PPP2R2C: variants seen among roughly 807,000 people sequenced by gnomAD.
PPP2R2C encodes the protein protein phosphatase 2 regulatory subunit Bgamma.
A neutral mutation model predicts 45.3 loss-of-function variants in PPP2R2C; 10 were observed. The observed-to-expected ratio is 0.22, with a 90% CI of 0.14 to 0.37. The LOEUF is 0.37. PPP2R2C is among the 10% of genes least tolerant of loss of function. The pLI is 1.00. For synonymous variants in PPP2R2C, 257 were observed against 245.4 expected (o/e 1.05, Z -0.44); for missense variants, 308 against 619.7 (o/e 0.50, Z 5.34).
At chr4:6,500,244 T>A (rs1472137499) in intron 2 of PPP2R2C, among the ~76,000 whole-genome samples, 1 of 151,892 alleles carries the variant, frequency 6.6e-6, no homozygotes, top group African/African-American at 2.4e-5. Context: ...ACCTCCCGAG[T>A]TCAAGCGATT....
chr4:6,490,224 G>T lies in PPP2R2C; in HGVS notation c.49+45047C>A, dbSNP rs541970287. Among the ~76,000 whole-genome samples, 11 of 152,290 alleles carry T rather than the reference G, an allele frequency of 7.2e-5. No individual in the cohort carries two copies. In the East Asian group the frequency reaches 1.9e-3, roughly 27 times the overall value. ...CAAGACTCCAAGCCTTTTGTGGGCA[G>T]GTTCCTGGGAGCGCTCATCTGGGAC... On this transcript the variant is annotated intron_variant, in intron 2 of 9. Transcript: ENST00000506140.
At chr4:6,550,440 C>T (rs1478941837) in intron 1 of PPP2R2C, among the ~76,000 whole-genome samples, 1 of 152,228 alleles carries the variant, frequency 6.6e-6, no homozygotes, top group South Asian at 2.1e-4. Context: ...CTTCACCCTT[C>T]ACTAACAAGC....
At chr4:6,336,668 CT>C in intron 6 of PPP2R2C, among the ~76,000 whole-genome samples, 2 of 3,248 alleles carry the variant, frequency 6.2e-4, no homozygotes, top group Non-Finnish European at 1.3e-3. Flanking sequence ...TCCCTCCCTG[CT>C]TCCATCCCTC....
In PPP2R2C at chr4:6,331,779, G is replaced by A. The variant is rs1560447092; in HGVS notation, c.960+1783C>T. 6.6e-6 allele frequency among the ~76,000 whole-genome samples: 1 copy of A among 152,102 alleles called. No homozygotes were observed. Among genetic ancestry groups the A allele is most frequent in the Non-Finnish European group, 1.5e-5 (1 of 68,016 alleles). On this transcript the variant is annotated intron_variant, in intron 7 of 8. Coordinates refer to ENST00000382599, the MANE Select transcript of PPP2R2C (RefSeq NM_020416.4). This position sits in a 1 kb window ranked among gnomAD's most constrained non-coding sequence, Gnocchi z 5.9. ...CAGAAGGAACCACTGTGGCGCTGCC[G>A]GGGTCATGGAGCCCCCCCACCTTCC...
At chr4:6,535,260 G>C in intron 2 of PPP2R2C, 1 of 1,535,300 alleles carries the variant, frequency 6.5e-7, no homozygotes, top group Non-Finnish European at 8.7e-7. Context: ...CTGTGAGAAC[G>C]GGCTTCTTAC....
At chr4:6,389,543 A>C (rs536428280) in intron 1 of PPP2R2C, among the ~76,000 whole-genome samples, 31 of 152,302 alleles carry the variant, frequency 2.0e-4, no homozygotes, top group African/African-American at 7.5e-4. Flanking sequence ...TCCTGCAGCC[A>C]TTAGCACCTG....
intron 5 of PPP2R2C, among the ~76,000 whole-genome samples, chr4:6,372,002 G>C (rs1191052121): frequency 3.3e-5 from 5 of 152,164 alleles, no homozygotes; most frequent in Non-Finnish European, 7.3e-5. Flanking sequence ...GCTTCCCCTA[G>C]CTTGCCCTGA....
intron 6 of PPP2R2C, among the ~76,000 whole-genome samples, chr4:6,344,479 G>T (rs999634191): frequency 6.6e-6 from 1 of 152,096 alleles, no homozygotes; most frequent in Non-Finnish European, 1.5e-5. Context: ...CACAGGCTTC[G>T]GGAGCCAAAG....
intron 1 of PPP2R2C, among the ~76,000 whole-genome samples, chr4:6,433,576 TGTTCTGTGGCC>T (rs1719737765): frequency 1.3e-5 from 2 of 152,192 alleles, no homozygotes. Context: ...TGGCTGTGGC[TGTTCTGTGGCC>T]AAGTCATCCC....
chr4:6,341,080 G>A (rs1462750200), intron 6 of PPP2R2C, among the ~76,000 whole-genome samples: 3 of 152,348 alleles, frequency 2.0e-5, no homozygotes, highest in African/African-American at 4.8e-5. Flanking sequence ...GGTGGCTCAC[G>A]CCTGTAATCC....
At chr4:6,347,004 G>C (rs1189604292) in intron 6 of PPP2R2C, among the ~76,000 whole-genome samples, 2 of 152,230 alleles carry the variant, frequency 1.3e-5, no homozygotes, top group African/African-American at 4.8e-5. Context: ...CTGCAGGGCT[G>C]TCTGGGAAGG....
intron 1 of PPP2R2C, among the ~76,000 whole-genome samples, chr4:6,547,886 A>G (rs927922745): frequency 2.0e-5 from 3 of 152,192 alleles, no homozygotes; most frequent in African/African-American, 4.8e-5. Context: ...ACATAAAAAG[A>G]TGCTCAACAT....
At position 6,531,070 on chromosome 4, in the gene PPP2R2C, C is replaced by A. The variant is rs1361080459; in HGVS notation, c.49+4201G>T. On this transcript the variant is annotated intron_variant, in intron 2 of 9. Transcript: ENST00000506140. ...AGCTTGGCATCCCCAAGAAAGATCA[C>A]CCCTCCTGGGGCCAGGAGCTGTGCC... Among the ~76,000 whole-genome samples, 3 of 152,322 alleles carry A rather than the reference C, an allele frequency of 2.0e-5. No individual in the cohort carries two copies. In the East Asian group the frequency reaches 5.8e-4, roughly 29 times the overall value.
Position 6,430,856 on chromosome 4 carries a change from C to T in PPP2R2C, c.70+41304G>A, listed in dbSNP as rs1330815379. Among the ~76,000 whole-genome samples, 4 of 151,918 alleles carry T rather than the reference C, an allele frequency of 2.6e-5. No homozygotes were observed. The South Asian group carries it at 6.2e-4, about 24-fold the overall frequency. The stretch of plus-strand genomic sequence containing the variant: ...AGGAGAATCACTTGAACCCAGGAGG[C>T]GGAGGTTGCAGTGAGCCAAGATCGC... On this transcript the variant is annotated intron_variant, in intron 1 of 8. Transcript: ENST00000382599.
intron 1 of PPP2R2C, among the ~76,000 whole-genome samples, chr4:6,397,236 C>G (rs368809231): frequency 2.1e-4 from 32 of 152,356 alleles, no homozygotes; most frequent in East Asian, 1.2e-3. Flanking sequence ...CATGCCATCC[C>G]GCACAGCAGA....
At chr4:6,468,997 G>A (rs1161458229) in intron 1 of PPP2R2C, among the ~76,000 whole-genome samples, 2 of 148,338 alleles carry the variant, frequency 1.3e-5, no homozygotes, top group Non-Finnish European at 3.0e-5. Context: ...CCCCCAGGTG[G>A]CCTGCAGGTA....
chr4:6,506,551 G>C (rs1338083392), intron 2 of PPP2R2C, among the ~76,000 whole-genome samples: 1 of 152,194 alleles, frequency 6.6e-6, no homozygotes, highest in South Asian at 2.1e-4. Flanking sequence ...TCAATGAGAA[G>C]GGCTCAGTCA....
chr4:6,321,148 G>T lies in PPP2R2C; in HGVS notation c.*2154C>A, dbSNP rs1277165799. ...ACTGTATTAAGACCTCCTTTTGAAG[G>T]ACATGTAAGATTTGTACTTTGAAGA... On this transcript the variant is annotated 3_prime_UTR_variant, in exon 9 of 9. Transcript: ENST00000382599. 6.6e-6 allele frequency: 1 copy of T among 152,212 alleles called. No individual in the cohort carries two copies. The highest frequency in any genetic ancestry group is 6.5e-5 in the Admixed American group (1 of 15,278). 9.4% of individuals were successfully genotyped at this position (152,212 alleles called of 1,614,324 possible).
At chr4:6,376,099 T>C (rs772902256) in intron 3 of PPP2R2C, among the ~76,000 whole-genome samples, 168 bp from the exon 4 acceptor site, 1 of 152,238 alleles carries the variant, frequency 6.6e-6, no homozygotes, top group East Asian at 1.9e-4. Flanking sequence ...GCCTCCAGCC[T>C]TCGGCCTCCC....
Sources: allele counts gnomAD v4.1 joint callset (sites outside exome capture counted in the v4.1 genomes callset), GRCh38; gene constraint gnomAD v4.1.1; non-coding constraint Gnocchi (gnomAD v3.1); transcripts MANE v1.5; gene names NCBI Gene and HGNC (gene_info 2026-07-23, HGNC 2026-07-21).